DYNLRB1: variants seen among roughly 807,000 people sequenced by gnomAD.
DYNLRB1 encodes the protein dynein light chain roadblock-type 1.
A neutral mutation model predicts 13.5 loss-of-function variants in DYNLRB1; 6 were observed. That is an observed-to-expected ratio of 0.44 (90% CI 0.24 to 0.88). The LOEUF (loss-of-function observed/expected upper bound fraction) is 0.88, where lower values mean the gene tolerates loss of function less well. DYNLRB1 is among the 40% of genes least tolerant of loss of function. The probability of loss-of-function intolerance (pLI) is 0.21; values close to 1 mark genes in which losing one functional copy is unlikely to be tolerated. For synonymous variants in DYNLRB1, 43 were observed against 45.0 expected (o/e 0.96, Z 0.18); for missense variants, 93 against 127.2 (o/e 0.73, Z 1.29).
chr20:34,533,322 C>G (rs1980858233), intron 2 of DYNLRB1, among the ~76,000 whole-genome samples: 2 of 152,178 alleles, frequency 1.3e-5, no homozygotes, highest in Non-Finnish European at 2.9e-5. Context: ...CTAGTGGGCT[C>G]TTTGAAAGAG....
At chr20:34,538,932 T>C (rs1336151532) in intron 3 of DYNLRB1, among the ~76,000 whole-genome samples, 1 of 152,232 alleles carries the variant, frequency 6.6e-6, no homozygotes, top group Non-Finnish European at 1.5e-5. Context: ...GGCAAGCCCT[T>C]TAACTCTCTG....
chr20:34,521,526 T>C (rs1329273280), intron 1 of DYNLRB1, among the ~76,000 whole-genome samples: 1 of 152,106 alleles, frequency 6.6e-6, no homozygotes, highest in Non-Finnish European at 1.5e-5. Flanking sequence ...TATACAGAAG[T>C]TTTATGTTTA....
At chr20:34,516,973 T>C (rs759947647) in intron 1 of DYNLRB1, 6 of 1,315,424 alleles carry the variant, frequency 4.6e-6, no homozygotes, top group Non-Finnish European at 5.8e-6. Flanking sequence ...GGAGATGGAT[T>C]TGAACCCTAG....
chr20:34,539,539 G>A (rs1432258923), intron 3 of DYNLRB1, among the ~76,000 whole-genome samples: 1 of 151,348 alleles, frequency 6.6e-6, no homozygotes, highest in Non-Finnish European at 1.5e-5. Flanking sequence ...TTTTCTTAAT[G>A]GAGTCTCACT....
At chr20:34,519,192 G>T (rs1002697158) in intron 1 of DYNLRB1, among the ~76,000 whole-genome samples, 4 of 152,102 alleles carry the variant, frequency 2.6e-5, no homozygotes, top group Admixed American at 6.5e-5. Context: ...AAAATGCTGG[G>T]ATTATGGGCG....
intron 2 of DYNLRB1, among the ~76,000 whole-genome samples, chr20:34,531,405 G>A (rs1980703493): frequency 6.6e-6 from 1 of 152,108 alleles, no homozygotes; most frequent in Non-Finnish European, 1.5e-5. Context: ...GGCCGTCTCA[G>A]GTCTCCTCCA....
rs1239099535 is a variant in DYNLRB1, at chr20:34,528,035, G to A, written c.79+1692G>A. Among the ~76,000 whole-genome samples the A allele has an allele frequency of 1.3e-4, 5 of 39,496 alleles. 2 individuals carry two copies. Among genetic ancestry groups the A allele is most frequent in the East Asian group, 5.3e-4 (1 of 1,882 alleles). 25.9% of individuals were successfully genotyped at this position (39,496 alleles called of 152,430 possible). On this transcript the variant is annotated intron_variant, in intron 2 of 3. Transcript: ENST00000357156. Reference sequence around the variant, plus strand: ...AACTACCCTACTGGAGTAGCCGGCCGGGCGCGGTGGCTCACGCCTGTAATC... The same window carrying A: ...AACTACCCTACTGGAGTAGCCGGCCAGGCGCGGTGGCTCACGCCTGTAATC...
Position 34,540,272 on chromosome 20 carries a change from C to T in DYNLRB1, c.248-309C>T, listed in dbSNP as rs953113694. On this transcript the variant is annotated intron_variant, in intron 3 of 3. Transcript: ENST00000357156. ...GGAGCTCTTTGAACTGGAGTCCCCCCACCTGGAAAACAGGGGTGAGAATCC... is the reference window on the plus strand; with the variant it reads ...GGAGCTCTTTGAACTGGAGTCCCCCTACCTGGAAAACAGGGGTGAGAATCC... Among the ~76,000 whole-genome samples, 6 of 152,350 alleles carry T rather than the reference C, an allele frequency of 3.9e-5. No homozygotes were observed. The East Asian group carries it at 7.7e-4, about 20-fold the overall frequency.
upstream of DYNLRB1, among the ~76,000 whole-genome samples, chr20:34,515,705 G>A (rs572343701): frequency 3.3e-5 from 5 of 152,238 alleles, no homozygotes; most frequent in African/African-American, 1.2e-4. Flanking sequence ...TTGGCCCTGG[G>A]CCTCTCTCTG....
chr20:34,525,696 C>T (rs1415785372), intron 1 of DYNLRB1, among the ~76,000 whole-genome samples: 2 of 152,154 alleles, frequency 1.3e-5, no homozygotes, highest in East Asian at 3.9e-4. Context: ...CCTCCACTTA[C>T]AGATGCCATA....
intron 1 of DYNLRB1, 83 bp from the exon 2 acceptor site, chr20:34,526,185 A>G (rs1166725282): frequency 6.8e-7 from 1 of 1,469,426 alleles, no homozygotes; most frequent in Non-Finnish European, 9.5e-7. Context: ...TTGGAAGACA[A>G]ACGTATGATT....
At chr20:34,520,700 C>T (rs1323067828) in intron 1 of DYNLRB1, among the ~76,000 whole-genome samples, 1 of 152,178 alleles carries the variant, frequency 6.6e-6, no homozygotes, top group Non-Finnish European at 1.5e-5. Context: ...CCGCCTGCCT[C>T]AGCCTCCCAA....
At chr20:34,520,037 T>C (rs562334243) in intron 1 of DYNLRB1, among the ~76,000 whole-genome samples, 2 of 152,096 alleles carry the variant, frequency 1.3e-5, no homozygotes, top group South Asian at 4.2e-4. Context: ...GCTGAGGCAC[T>C]AGAATCGCTT....
intron 1 of DYNLRB1, among the ~76,000 whole-genome samples, chr20:34,522,939 GT>G (rs1219202186): frequency 6.6e-6 from 1 of 152,194 alleles, no homozygotes. Flanking sequence ...CTTTTTATTT[GT>G]TCCTTCAGTA....
chr20:34,530,278 T>C (rs1980612013), intron 2 of DYNLRB1: 1 of 1,017,344 alleles, frequency 9.8e-7, no homozygotes, highest in Admixed American at 5.8e-5. Flanking sequence ...GATTGCACCA[T>C]AGCTGAGAAC....
chr20:34,537,984 G>GTTTTT (rs1568604950), intron 3 of DYNLRB1, among the ~76,000 whole-genome samples: 2 of 54,600 alleles, frequency 3.7e-5, no homozygotes, highest in Admixed American at 2.0e-4. Context: ...ACGTGAACAG[G>GTTTTT]CTTTTTTTTT....
chr20:34,533,434 T>C, intron 2 of DYNLRB1: 1 of 979,984 alleles, frequency 1.0e-6, no homozygotes, highest in Non-Finnish European at 1.2e-6. Context: ...GTGGACAGTG[T>C]GTTTATAGCT....
intron 1 of DYNLRB1, among the ~76,000 whole-genome samples, chr20:34,517,739 C>T (rs564610562): frequency 4.6e-5 from 7 of 151,788 alleles, no homozygotes; most frequent in Non-Finnish European, 1.0e-4. Context: ...AGTGATTCTC[C>T]CGCCTCAGCC....
intron 3 of DYNLRB1, among the ~76,000 whole-genome samples, chr20:34,537,719 G>A (rs1031885102): frequency 9.2e-5 from 14 of 152,310 alleles, no homozygotes; most frequent in African/African-American, 3.1e-4. Context: ...ACAGGACCCA[G>A]GGGTGGCCAC....
Sources: gnomAD v4.1 joint callset for allele counts (sites outside exome capture counted in the v4.1 genomes callset) on GRCh38, gnomAD v4.1.1 for gene constraint, MANE v1.5 for transcripts, NCBI Gene and HGNC (gene_info 2026-07-23, HGNC 2026-07-21) for gene names.